RNF213: variants seen among roughly 807,000 people sequenced by gnomAD.
RNF213 encodes the protein E3 ubiquitin-protein ligase RNF213.
In RNF213, 341 loss-of-function variants were observed where a neutral mutation model predicts 514.4. That is an observed-to-expected ratio of 0.66 (90% CI 0.61 to 0.73). The LOEUF is 0.73. Ranked by LOEUF, RNF213 falls within the 30% of genes least tolerant of loss-of-function variation. The pLI is 0.00. For missense variants in RNF213, 5,767 were observed against 6,615.6 expected, an observed-to-expected ratio of 0.87 and a Z score of 4.45; for synonymous variants, 2,655 against 2,658.2, an observed-to-expected ratio of 1.00 and a Z score of 0.04.
rs181605402 is a variant in RNF213 at position 80,284,241 on chromosome 17, G to A, written c.262-3574G>A. Reference sequence around the variant, plus strand: ...TAGCCGGGCATGATGGCAGGTGCCTGTAATCCCAGCTACTTGGGAGGCTGA... The same window carrying A: ...TAGCCGGGCATGATGGCAGGTGCCTATAATCCCAGCTACTTGGGAGGCTGA... On this transcript the variant is annotated intron_variant, in intron 3 of 67. Coordinates refer to ENST00000582970, the MANE Select transcript of RNF213 (RefSeq NM_001256071.3). Among the ~76,000 whole-genome samples, 703 of 152,272 alleles carry A rather than the reference G, an allele frequency of 4.6e-3. 5 individuals are homozygous for A. Among genetic ancestry groups the A allele is most frequent in the African/African-American group, 0.016 (652 of 41,558 alleles).
intron 56 of RNF213, 67 bp downstream of exon 56, chr17:80,381,054 C>A (rs1354288459): frequency 1.9e-6 from 3 of 1,542,068 alleles, no homozygotes; most frequent in African/African-American, 1.4e-5. Flanking sequence ...CCCAGGGAGT[C>A]CTTTTGTCTT....
chr17:80,333,267 A>T (rs1018224601), intron 21 of RNF213, among the ~76,000 whole-genome samples: 1 of 150,032 alleles, frequency 6.7e-6, no homozygotes, highest in African/African-American at 2.4e-5. Flanking sequence ...TCACCGTGTT[A>T]GCCAGGATGG....
rs984997501 is a variant in RNF213, at chr17:80,376,513, G to A, written c.13398G>A (p.Lys4466=). The A allele has an allele frequency of 2.5e-6, 4 of 1,614,106 alleles. No individual in the cohort carries two copies. In the African/African-American group the frequency reaches 5.3e-5, roughly 22 times the overall value. Residue 4466 remains lysine, a synonymous_variant, in exon 52 of 68, where the codon AAG becomes AAA. Transcript: ENST00000582970. ...AGAATGAACTCTTGGAGCCCCTAAA[G>A]AATCTGGCCTTCTCCCCAGCCACCA... ...CGQNELLEPL[K]NLAFSPATMA... is the part of the protein sequence containing the mutation.
rs377465265 is a variant in RNF213, at chr17:80,347,677, C to T, written c.9342C>T (p.Asp3114=). The T allele has an allele frequency of 1.9e-4, 310 of 1,613,998 alleles. 3 individuals carry two copies. In the South Asian group the frequency reaches 2.1e-3, roughly 11 times the overall value. Residue 3114 remains aspartate, a synonymous_variant, in exon 29 of 68, where the codon GAC becomes GAT. Coordinates refer to ENST00000582970, the MANE Select transcript of RNF213 (RefSeq NM_001256071.3). This position sits in a 1 kb window ranked among gnomAD's most constrained non-coding sequence, Gnocchi z 7.2. The part of the protein sequence containing the change: ...NLQNLYESLY[D]ALNQYYVHLG... ...AGAACCTCTACGAGAGCCTCTACGACGCACTCAACCAGTACTACGTCCACC... is the reference window on the plus strand; with the variant it reads ...AGAACCTCTACGAGAGCCTCTACGATGCACTCAACCAGTACTACGTCCACC...
At position 80,386,148 on chromosome 17, in the gene RNF213, C is replaced by T. The variant is rs1284603923; in HGVS notation, c.14540-102C>T. On this transcript the variant is annotated intron_variant, in intron 61 of 67. Coordinates refer to ENST00000582970, the MANE Select transcript of RNF213 (RefSeq NM_001256071.3). ...GGCAGAACCGAGACCCGGCTCCCGG[C>T]TGTGTGTGGAGCTGATGGCTTCTGC... 4 of 1,151,020 alleles carry T rather than the reference C, an allele frequency of 3.5e-6. No individual in the cohort carries two copies. In the East Asian group the frequency reaches 9.3e-5, roughly 27 times the overall value. The allele number at this position is 1,151,020 out of a possible 1,614,324, so 71.3% of individuals were successfully genotyped here. A position where few individuals can be genotyped will look rare whatever the true frequency, so the allele number is the denominator to read the frequency against.
chr17:80,284,662 T>C (rs1156690293), intron 3 of RNF213, among the ~76,000 whole-genome samples: 1 of 152,154 alleles, frequency 6.6e-6, no homozygotes, highest in African/African-American at 2.4e-5. Flanking sequence ...AGCCTGTAGG[T>C]GAGGCTTGGT....
chr17:80,353,620 GTTC>G lies in RNF213; in HGVS notation c.10534_10536del (p.Ser3512del). 1.2e-6 allele frequency: 2 copies of G among 1,614,216 alleles called. No homozygotes were observed. The highest frequency in any genetic ancestry group is 8.5e-7 in the Non-Finnish European group (1 of 1,180,030). ...GCAGAGGAGGCCATGGAAACAGAAAGTTCTGAGAAGGTGGGAAAGGAAACCTCT... is the reference window on the plus strand; with the variant it reads ...GCAGAGGAGGCCATGGAAACAGAAAGTGAGAAGGTGGGAAAGGAAACCTCT... On this transcript the variant is annotated inframe_deletion, in exon 34 of 68. Coordinates refer to ENST00000582970, the MANE Select transcript of RNF213 (RefSeq NM_001256071.3). The surrounding 1 kb of genome is among the most constrained non-coding windows in gnomAD (Gnocchi z 5.0).
chr17:80,353,498 T>C lies in RNF213; in HGVS notation c.10424-14T>C. ...TTCTGAGTGGTAACGCAATCACGTT[T>C]GCTTCGACTGCAGTGGGCTTGGAAC... On this transcript the variant is annotated splice_polypyrimidine_tract_variant and intron_variant, in intron 33 of 67. Coordinates refer to ENST00000582970, the MANE Select transcript of RNF213 (RefSeq NM_001256071.3). This position sits in a 1 kb window ranked among gnomAD's most constrained non-coding sequence, Gnocchi z 5.0. The C allele has an allele frequency of 6.2e-7, 1 of 1,601,500 alleles. No individual in the cohort carries two copies. The highest frequency in any genetic ancestry group is 1.7e-4 in the Middle Eastern group (1 of 6,058).
chr17:80,371,796 A>G, intron 46 of RNF213, 78 bp from the exon 47 acceptor site: 1 of 768,038 alleles, frequency 1.3e-6, no homozygotes, highest in Admixed American at 2.0e-5. Context: ...CAGACGACCG[A>G]TAGATAGATG....
chr17:80,335,240 A>G (rs2077955327), intron 22 of RNF213, among the ~76,000 whole-genome samples: 1 of 151,906 alleles, frequency 6.6e-6, no homozygotes, highest in African/African-American at 2.4e-5. Context: ...CCACAGAGAG[A>G]TTTTTCTCAC....
intron 35 of RNF213, 60 bp downstream of exon 35, chr17:80,354,226 G>C (rs2078645137): frequency 5.0e-6 from 8 of 1,585,580 alleles, no homozygotes; most frequent in Non-Finnish European, 6.9e-6. Context: ...TGAGGAGTGG[G>C]CATCATTTCA....
chr17:80,287,389 G>A (rs2143207193), intron 3 of RNF213, among the ~76,000 whole-genome samples: 1 of 152,320 alleles, frequency 6.6e-6, no homozygotes, highest in East Asian at 1.9e-4. Flanking sequence ...TATAGTCTCA[G>A]CTACTCAAGA....
In RNF213 at chr17:80,383,847, T is replaced by C. The variant is rs1315445993; in HGVS notation, c.14241T>C (p.Ile4747=). 5 of 1,614,122 alleles carry C rather than the reference T, an allele frequency of 3.1e-6. No individual in the cohort carries two copies. Among genetic ancestry groups the C allele is most frequent in the Non-Finnish European group, 4.2e-6 (5 of 1,180,016 alleles). The change falls in exon 59 of 68, where the codon ATT becomes ATC. Residue 4747 remains isoleucine, a synonymous_variant. Coordinates refer to ENST00000582970, the MANE Select transcript of RNF213 (RefSeq NM_001256071.3). ...CSKIWSCRKR[I]TVEYLQHIVE... is the part of the protein sequence containing the mutation. Reference sequence around the variant, plus strand: ...AGATTTGGAGCTGCAGGAAAAGAATTACAGTTGAGTACCTCCAGCACATTG... The same window carrying C: ...AGATTTGGAGCTGCAGGAAAAGAATCACAGTTGAGTACCTCCAGCACATTG...
Position 80,348,136 on chromosome 17 carries a change from G to C in RNF213, c.9801G>C (p.Val3267=), listed in dbSNP as rs1270434508. The C allele has an allele frequency of 2.5e-6, 4 of 1,613,986 alleles. No homozygotes were observed. Among genetic ancestry groups the C allele is most frequent in the African/African-American group, 2.7e-5 (2 of 74,956 alleles). Residue 3267 remains valine, a synonymous_variant, in exon 29 of 68, where the codon GTG becomes GTC. Coordinates refer to ENST00000582970, the MANE Select transcript of RNF213 (RefSeq NM_001256071.3). ...ILLNCATPDA[V]VRLSAYSLGG... is the part of the protein sequence containing the mutation. ...TGAACTGCGCTACGCCCGATGCCGT[G>C]GTCCGGCTGAGCGCCTACTCGCTGG...
chr17:80,330,379 C>T (rs1212304394), intron 20 of RNF213, among the ~76,000 whole-genome samples: 3 of 152,176 alleles, frequency 2.0e-5, no homozygotes, highest in Admixed American at 1.3e-4. Flanking sequence ...GGGGTGCTGC[C>T]GTGGGGTGCT....
chr17:80,376,983 T>C lies in RNF213; in HGVS notation c.13510+20T>C, dbSNP rs112535386. On this transcript the variant is annotated intron_variant, in intron 53 of 67. Transcript: ENST00000582970. Reference sequence around the variant, plus strand: ...GGTACAGTAAGTGTTGGGGTCTAGATGACCCCACACTCCTTTGAGCTTCAA... The same window carrying C: ...GGTACAGTAAGTGTTGGGGTCTAGACGACCCCACACTCCTTTGAGCTTCAA... 0.051 allele frequency: 79,693 copies of C among 1,562,934 alleles called. 2,215 individuals carry two copies. The highest frequency in any genetic ancestry group is 0.09 in the Middle Eastern group (512 of 5,696).
intron 67 of RNF213, among the ~76,000 whole-genome samples, chr17:80,391,760 C>CTTTTTTTTTTTT (rs779136667): frequency 1.1e-5 from 1 of 88,634 alleles, no homozygotes; most frequent in African/African-American, 4.4e-5. Flanking sequence ...ATAAACTAGC[C>CTTTTTTTTTTTT]TTTTTTTTTT....
Position 80,311,032 on chromosome 17 carries a change from C to T in RNF213, c.2655+1861C>T, listed in dbSNP as rs558883663. ...TCTCTGGAGTGGCTGCTATTTAAAC[C>T]GCCACAGGCAGCTGCCAACTTCCAC... On this transcript the variant is annotated intron_variant, in intron 14 of 67. Transcript: ENST00000582970. 3.0e-3 allele frequency among the ~76,000 whole-genome samples: 460 copies of T among 152,236 alleles called. 6 individuals are homozygous for T. The highest frequency in any genetic ancestry group is 0.022 in the South Asian group (104 of 4,820).
Position 80,369,760 on chromosome 17 carries a change from G to A in RNF213, c.12326-8G>A. Reference sequence around the variant, plus strand: ...TGCAGTGAGCTGCCTTTTTCTTTCTGGTTTAAGGACACTGTGAACACACAA... The same window carrying A: ...TGCAGTGAGCTGCCTTTTTCTTTCTAGTTTAAGGACACTGTGAACACACAA... On this transcript the variant is annotated splice_polypyrimidine_tract_variant and splice_region_variant and intron_variant, in intron 45 of 67. Transcript: ENST00000582970. 1 of 1,613,378 alleles carries A rather than the reference G, an allele frequency of 6.2e-7. No homozygotes were observed. Among genetic ancestry groups the A allele is most frequent in the Non-Finnish European group, 8.5e-7 (1 of 1,179,420 alleles).
Sources: allele counts gnomAD v4.1 joint callset (sites outside exome capture counted in the v4.1 genomes callset), GRCh38; gene constraint gnomAD v4.1.1; non-coding constraint Gnocchi (gnomAD v3.1); transcripts MANE v1.5; gene names NCBI Gene and HGNC (gene_info 2026-07-23, HGNC 2026-07-21).